Variants in PCDHA1 observed in about 807,000 individuals in gnomAD.
PCDHA1 encodes the protein protocadherin alpha 1.
A neutral mutation model predicts 61.3 loss-of-function variants in PCDHA1; 42 were observed. The observed-to-expected ratio is 0.69, with a 90% CI of 0.54 to 0.89. The LOEUF is 0.89. Among genes scored for constraint, PCDHA1 ranks in the 40% least tolerant of loss-of-function variants. PCDHA1 has a pLI of 0.00. For synonymous variants in PCDHA1, 610 were observed against 553.8 expected (o/e 1.10, Z -1.43); for missense variants, 1,256 against 1,235.3 (o/e 1.02, Z -0.25).
At chr5:140,792,887 T>C (rs1761736333) in intron 1 of PCDHA1, among the ~76,000 whole-genome samples, 1 of 152,190 alleles carries the variant, frequency 6.6e-6, no homozygotes, top group Non-Finnish European at 1.5e-5. Flanking sequence ...CCAGGAGAAT[T>C]TGGGTACATG....
chr5:140,959,254 G>A (rs1318438220), intron 1 of PCDHA1, among the ~76,000 whole-genome samples: 3 of 152,054 alleles, frequency 2.0e-5, no homozygotes, highest in Non-Finnish European at 2.9e-5. Context: ...GTGCATGACT[G>A]TAGTCCCAGC....
At chr5:140,804,976 A>G in intron 1 of PCDHA1, 4 of 1,493,470 alleles carry the variant, frequency 2.7e-6, no homozygotes, top group Non-Finnish European at 3.6e-6. Context: ...TAGTGTGTCC[A>G]TCTCAGGTCA....
intron 1 of PCDHA1, chr5:140,857,521 CTCTCT>C: frequency 6.3e-7 from 1 of 1,598,106 alleles, no homozygotes; most frequent in Non-Finnish European, 8.6e-7. Flanking sequence ...TGGTGTCCTA[CTCTCT>C]GGTGGAGCGG....
Position 140,823,614 on chromosome 5 carries a change from G to T in PCDHA1, c.2394+34930G>T, listed in dbSNP as rs2150127435. ...GGCTTTCGTATGAGCTGCAGCCAGC[G>T]CCTGGCAGTGCGCGCATCCCGTTCC... On this transcript the variant is annotated intron_variant, in intron 1 of 3. Coordinates refer to ENST00000504120, the MANE Select transcript of PCDHA1 (RefSeq NM_018900.4). 4 of 1,614,046 alleles carry T rather than the reference G, an allele frequency of 2.5e-6. No individual in the cohort carries two copies. The East Asian group carries it at 6.7e-5, about 27-fold the overall frequency.
chr5:140,850,112 C>G, intron 1 of PCDHA1: 1 of 1,596,024 alleles, frequency 6.3e-7, no homozygotes, highest in Non-Finnish European at 8.6e-7. Context: ...GCGCGCGCGA[C>G]GCGGGCGTGC....
intron 1 of PCDHA1, among the ~76,000 whole-genome samples, chr5:140,958,881 A>G (rs565016962): frequency 2.0e-5 from 3 of 152,092 alleles, no homozygotes; most frequent in Non-Finnish European, 2.9e-5. Flanking sequence ...AGAATTGACC[A>G]GTAGCTATAT....
At chr5:140,841,710 C>T (rs574481490) in intron 1 of PCDHA1, 1 of 1,613,856 alleles carries the variant, frequency 6.2e-7, no homozygotes, top group South Asian at 1.1e-5. Context: ...AATGACAACC[C>T]GCCAGTGTTC....
At chr5:140,860,133 G>GTA (rs1366023813) in intron 1 of PCDHA1, 4 of 149,192 alleles carry the variant, frequency 2.7e-5, no homozygotes, top group Non-Finnish European at 5.9e-5. Flanking sequence ...GTGTGTGTGT[G>GTA]TATATATATG....
At position 140,892,638 on chromosome 5, in the gene PCDHA1, T is replaced by C. The variant is rs151070567; in HGVS notation, c.2395-86311T>C. Among the ~76,000 whole-genome samples the C allele has an allele frequency of 1.2e-4, 19 of 152,324 alleles. No homozygotes were observed. The East Asian group carries it at 2.5e-3, about 20-fold the overall frequency. ...CCAGTTGGTACATAATAATTGTACA[T>C]ATTTATAGGATACAGAGTGACATTT... is the stretch of plus-strand genomic sequence containing the variant. On this transcript the variant is annotated intron_variant, in intron 1 of 3. Transcript: ENST00000504120.
chr5:140,851,143 A>T, intron 1 of PCDHA1: 1 of 1,310,128 alleles, frequency 7.6e-7, no homozygotes, highest in Non-Finnish European at 9.9e-7. Flanking sequence ...TTAAAGTGAC[A>T]TTGAATTTCT....
At chr5:140,952,104 C>T (rs1009516552) in intron 1 of PCDHA1, among the ~76,000 whole-genome samples, 3 of 152,102 alleles carry the variant, frequency 2.0e-5, no homozygotes, top group South Asian at 2.1e-4. Flanking sequence ...AGGGCACACT[C>T]GTGTGAGGGA....
At chr5:140,823,677 C>T (rs1767833513) in intron 1 of PCDHA1, 3 of 1,613,930 alleles carry the variant, frequency 1.9e-6, no homozygotes, top group South Asian at 1.1e-5. Flanking sequence ...GCACAACACG[C>T]TCTCTGGATG....
At chr5:140,860,453 G>A (rs1444199849) in intron 1 of PCDHA1, 5 of 152,018 alleles carry the variant, frequency 3.3e-5, no homozygotes, top group African/African-American at 1.2e-4. Flanking sequence ...ATTAATTCAC[G>A]TGATAATACA....
intron 3 of PCDHA1, among the ~76,000 whole-genome samples, chr5:140,984,073 G>A (rs1294401230): frequency 4.6e-5 from 7 of 152,222 alleles, no homozygotes; most frequent in Non-Finnish European, 7.3e-5. Context: ...CAGTGCCAAC[G>A]ATGGAGTGAA....
At chr5:140,812,299 T>C (rs1213941243) in intron 1 of PCDHA1, 1 of 152,100 alleles carries the variant, frequency 6.6e-6, no homozygotes, top group African/African-American at 2.4e-5. Context: ...TTTTGGTATA[T>C]GATTTTAAAA....
At chr5:140,817,376 AT>A (rs1453715792) in intron 1 of PCDHA1, 10 of 152,282 alleles carry the variant, frequency 6.6e-5, no homozygotes, top group Admixed American at 6.5e-4. Flanking sequence ...TTCGGCACTT[AT>A]CACCATGGGA....
rs1309730061 is a variant in PCDHA1, at chr5:140,826,016, T to G, written c.2394+37332T>G. 2.6e-5 allele frequency among the ~76,000 whole-genome samples: 4 copies of G among 152,338 alleles called. No homozygotes were observed. In the South Asian group the frequency reaches 8.3e-4, roughly 32 times the overall value. On this transcript the variant is annotated intron_variant, in intron 1 of 3. Coordinates refer to ENST00000504120, the MANE Select transcript of PCDHA1 (RefSeq NM_018900.4). ...AGTAAATAGTCCACACTTTACATGA[T>G]AAAATGTGAATTCCCTATTTCTGTT...
intron 1 of PCDHA1, chr5:140,823,126 G>T: frequency 6.2e-7 from 1 of 1,614,022 alleles, no homozygotes; most frequent in African/African-American, 1.3e-5. Context: ...GAACGACAAC[G>T]CTCCGGCGTT....
At chr5:140,834,086 C>A (rs1400952660) in intron 1 of PCDHA1, among the ~76,000 whole-genome samples, 2 of 152,152 alleles carry the variant, frequency 1.3e-5, no homozygotes, top group Non-Finnish European at 2.9e-5. Context: ...TAACCTTTAA[C>A]AACAATGAAG....
Sources: gnomAD v4.1 joint callset for allele counts (sites outside exome capture counted in the v4.1 genomes callset) on GRCh38, gnomAD v4.1.1 for gene constraint, MANE v1.5 for transcripts, NCBI Gene and HGNC (gene_info 2026-07-23, HGNC 2026-07-21) for gene names.